TSPAN2: variants seen among roughly 807,000 people sequenced by gnomAD.
TSPAN2 encodes the protein tetraspanin 2, also known as tetraspanin-2.
A neutral mutation model predicts 33.3 loss-of-function variants in TSPAN2; 24 were observed. That is an observed-to-expected ratio of 0.72 (90% CI 0.52 to 1.01). The LOEUF (loss-of-function observed/expected upper bound fraction) is 1.01, where lower values mean the gene tolerates loss of function less well. Ranked by LOEUF, TSPAN2 falls within the 50% of genes least tolerant of loss-of-function variation. The probability of loss-of-function intolerance (pLI) is 0.00; values close to 1 mark genes in which losing one functional copy is unlikely to be tolerated. For missense variants in TSPAN2, 278 were observed against 281.3 expected, an observed-to-expected ratio of 0.99 and a Z score of 0.08; for synonymous variants, 114 against 104.5, an observed-to-expected ratio of 1.09 and a Z score of -0.56.
chr1:115,067,754 C>A (rs1648005427), intron 2 of TSPAN2, among the ~76,000 whole-genome samples: 1 of 152,196 alleles, frequency 6.6e-6, no homozygotes, highest in Non-Finnish European at 1.5e-5. Context: ...CGTGTGTGGG[C>A]AACCCCTTCT....
intron 1 of TSPAN2, among the ~76,000 whole-genome samples, chr1:115,080,471 T>G (rs1306645568): frequency 6.6e-6 from 1 of 152,094 alleles, no homozygotes; most frequent in Non-Finnish European, 1.5e-5. Context: ...GATGGGGCCT[T>G]ACTTTGTTGT....
At chr1:115,073,073 G>A (rs1648249509) in intron 1 of TSPAN2, 66 bp from the exon 2 acceptor site, 1 of 1,381,542 alleles carries the variant, frequency 7.2e-7, no homozygotes, top group African/African-American at 1.4e-5. Flanking sequence ...CCGAGAGCAG[G>A]CTCTAGGCAC....
chr1:115,061,619 C>T (rs1025313270), intron 3 of TSPAN2, among the ~76,000 whole-genome samples: 6 of 152,140 alleles, frequency 3.9e-5, no homozygotes, highest in Non-Finnish European at 7.4e-5. Context: ...ACACCAATGA[C>T]GTCATTTCTT....
At chr1:115,089,319 A>AG in intron 1 of TSPAN2, 45 bp downstream of exon 1, 3 of 1,088,384 alleles carry the variant, frequency 2.8e-6, no homozygotes, top group Non-Finnish European at 2.6e-6. Context: ...CGCGCCCGCC[A>AG]CCCGGCCCCC....
At chr1:115,065,723 T>A (rs1335626207) in intron 2 of TSPAN2, among the ~76,000 whole-genome samples, 1 of 152,242 alleles carries the variant, frequency 6.6e-6, no homozygotes, top group Non-Finnish European at 1.5e-5. Flanking sequence ...GAGATATCCA[T>A]CACCTCAAAC....
In TSPAN2 at chr1:115,057,675, T is replaced by G. The variant is rs1287163909; in HGVS notation, c.445-67A>C. 3 of 1,478,524 alleles carry G rather than the reference T, an allele frequency of 2.0e-6. No individual in the cohort carries two copies. The African/African-American group carries it at 4.2e-5, about 20-fold the overall frequency. 91.6% of individuals were successfully genotyped at this position (1,478,524 alleles called of 1,614,324 possible). A position where few individuals can be genotyped will look rare whatever the true frequency, so the allele number is the denominator to read the frequency against. On this transcript the variant is annotated intron_variant, in intron 5 of 7. Coordinates refer to ENST00000369516, the MANE Select transcript of TSPAN2 (RefSeq NM_005725.6). ...GTAGCAGCTACAAGTCTGGGCACCC[T>G]GCTAAGGACTGGGGTGCCGAGGCGG... is the stretch of plus-strand genomic sequence containing the variant.
intron 1 of TSPAN2, among the ~76,000 whole-genome samples, chr1:115,080,198 G>A (rs181483517): frequency 5.2e-4 from 79 of 152,296 alleles, no homozygotes; most frequent in African/African-American, 1.8e-3. Context: ...TATACATAAT[G>A]TCTTTTCTCT....
intron 6 of TSPAN2, among the ~76,000 whole-genome samples, chr1:115,055,576 T>C (rs1647379652): frequency 1.3e-5 from 2 of 152,140 alleles, no homozygotes; most frequent in Admixed American, 6.5e-5. Flanking sequence ...CAGGCTGTAG[T>C]GCAGTGGCGC....
intron 5 of TSPAN2, chr1:115,058,176 A>T (rs1240485337): frequency 6.4e-6 from 1 of 156,896 alleles, no homozygotes; most frequent in Non-Finnish European, 1.4e-5. Flanking sequence ...GTATAAATGT[A>T]TAAATGGTGG....
intron 2 of TSPAN2, among the ~76,000 whole-genome samples, chr1:115,065,448 A>T (rs1647914870): frequency 6.6e-6 from 1 of 152,232 alleles, no homozygotes; most frequent in Non-Finnish European, 1.5e-5. Flanking sequence ...ATGCTTTCCG[A>T]GTCCTATTGC....
chr1:115,071,512 T>A (rs1013152502), intron 2 of TSPAN2, among the ~76,000 whole-genome samples: 1 of 152,216 alleles, frequency 6.6e-6, no homozygotes, highest in Non-Finnish European at 1.5e-5. Context: ...AAAGTCCCCA[T>A]CTCCAGACTT....
intron 1 of TSPAN2, 49 bp downstream of exon 1, chr1:115,089,315 C>CCCCACCCCGCCCCCA: frequency 2.8e-6 from 4 of 1,435,402 alleles, no homozygotes; most frequent in Non-Finnish European, 3.8e-6. Flanking sequence ...GCCCCGCGCC[C>CCCCACCCCGCCCCCA]GCCACCCGGC....
In TSPAN2 at chr1:115,049,163, A is replaced by G. The variant is rs1358162570; in HGVS notation, c.*1327T>C. 1 of 152,152 alleles carries G rather than the reference A, an allele frequency of 6.6e-6. No individual in the cohort carries two copies. The highest frequency in any genetic ancestry group is 2.4e-5 in the African/African-American group (1 of 41,456). The allele number at this position is 152,152 out of a possible 1,614,324, so 9.4% of individuals were successfully genotyped here. ...GTTAAAAATCACTGAAAAATTTGCC[A>G]ATGTAAATCCTAAATTTGGGTTTAC... On this transcript the variant is annotated 3_prime_UTR_variant, in exon 8 of 8. Transcript: ENST00000369516.
At position 115,072,979 on chromosome 1, in the gene TSPAN2, C is replaced by G. The variant is rs1166015429; in HGVS notation, c.98G>C (p.Gly33Ala). Reference sequence around the variant, plus strand: ...GGCACCTCCGAACCGAAACCATAGTCCAAAAGCAATGACGGCCGATCCAGC... The same window carrying G: ...GGCACCTCCGAACCGAAACCATAGTGCAAAAGCAATGACGGCCGATCCAGC... ...WLAGSAVIAF[G>A]LWFRFGGAIK... The change falls in exon 2 of 8, where the codon GGA becomes GCA. Residue 33 changes from glycine to alanine, a missense_variant. Coordinates refer to ENST00000369516, the MANE Select transcript of TSPAN2 (RefSeq NM_005725.6). 1 of 1,614,204 alleles carries G rather than the reference C, an allele frequency of 6.2e-7. No homozygotes were observed. The highest frequency in any genetic ancestry group is 1.1e-5 in the South Asian group (1 of 91,088).
chr1:115,066,343 C>A (rs1336342025), intron 2 of TSPAN2, among the ~76,000 whole-genome samples: 1 of 152,200 alleles, frequency 6.6e-6, no homozygotes, highest in Non-Finnish European at 1.5e-5. Flanking sequence ...GGCTGTACTA[C>A]TTTATATTCC....
intron 1 of TSPAN2, among the ~76,000 whole-genome samples, chr1:115,076,093 C>A (rs1648399460): frequency 1.3e-5 from 2 of 152,014 alleles, no homozygotes; most frequent in South Asian, 2.1e-4. Flanking sequence ...TGCACACTGC[C>A]AAGGGATTGG....
chr1:115,051,820 G>A (rs1267402487), intron 7 of TSPAN2, among the ~76,000 whole-genome samples: 2 of 152,172 alleles, frequency 1.3e-5, no homozygotes, highest in African/African-American at 4.8e-5. Context: ...TAGCACGGGC[G>A]ACACCCAATG....
At chr1:115,070,119 A>C (rs891341572) in intron 2 of TSPAN2, among the ~76,000 whole-genome samples, 1 of 152,118 alleles carries the variant, frequency 6.6e-6, no homozygotes, top group Admixed American at 6.5e-5. Flanking sequence ...CCTCCCTCTG[A>C]TGGAGCGGGG....
At chr1:115,077,357 T>G (rs558857673) in intron 1 of TSPAN2, among the ~76,000 whole-genome samples, 7 of 151,062 alleles carry the variant, frequency 4.6e-5, no homozygotes, top group African/African-American at 1.7e-4. Context: ...AAGATAAGAA[T>G]GCAGGGAAAG....
Sources: allele counts gnomAD v4.1 joint callset (sites outside exome capture counted in the v4.1 genomes callset), GRCh38; gene constraint gnomAD v4.1.1; transcripts MANE v1.5; gene names NCBI Gene and HGNC (gene_info 2026-07-23, HGNC 2026-07-21).